Variants in GOT1 observed in about 807,000 individuals in gnomAD.
GOT1 encodes glutamic-oxaloacetic transaminase 1.
GOT1 carries 25 observed loss-of-function variants against 48.2 expected under a neutral mutation model. The observed-to-expected ratio is 0.52, with a 90% confidence interval of 0.38 to 0.72. The LOEUF (loss-of-function observed/expected upper bound fraction) is 0.72. GOT1 is among the 30% of genes least tolerant of loss of function. The pLI, the probability that GOT1 is intolerant of heterozygous loss-of-function variation, is 0.00. For missense variants in GOT1, 380 were observed against 520.1 expected (o/e 0.73, Z 2.62); for synonymous variants, 188 against 193.8 (o/e 0.97, Z 0.25).
chr10:99,403,600 T>G lies in GOT1; in HGVS notation c.828A>C (p.Lys276Asn). 6.2e-7 allele frequency: 1 copy of G among 1,614,100 alleles called. No homozygotes were observed. Among genetic ancestry groups the G allele is most frequent in the South Asian group, 1.1e-5 (1 of 91,072 alleles). Residue 276 changes from lysine (K) to asparagine (N), a missense_variant, in exon 7 of 9, where the codon AAA (lysine) becomes AAC (asparagine). By Grantham distance (94) the Lys-to-Asn change is moderately conservative. Coordinates refer to ENST00000370508, the MANE Select transcript of GOT1 (RefSeq NM_002079.3). ...ERVGNLTVVGKEPESILQVLS... is the reference protein window; with the variant it reads ...ERVGNLTVVGNEPESILQVLS... The stretch of plus-strand genomic sequence containing the variant: ...GGACTTGCAGGATGCTCTCAGGTTC[T>G]TTTCCAACCACAGTCAGATTCCCGA...
rs759469504 is a variant in GOT1, at chr10:99,406,090, A to G, written c.537+47T>C. The G allele has an allele frequency of 6.2e-6, 8 of 1,294,398 alleles. No homozygotes were observed. In the African/African-American group the frequency reaches 8.7e-5, roughly 14 times the overall value. The allele number at this position is 1,294,398 out of a possible 1,614,324, so 80.2% of individuals were successfully genotyped here. A position where few individuals can be genotyped will look rare whatever the true frequency, so the allele number is the denominator to read the frequency against. Reference sequence around the variant, plus strand: ...AACTGGTCCAAAGACTTTGCCTGAGATTCCTGACACCATGCAATTCTCTAC... The same window carrying G: ...AACTGGTCCAAAGACTTTGCCTGAGGTTCCTGACACCATGCAATTCTCTAC... On this transcript the variant is annotated intron_variant, in intron 4 of 8. Transcript: ENST00000370508.
chr10:99,430,378 G>GTCTCCACGACCTGGGTTGGGTCC (rs1402518142), intron 1 of GOT1, 70 bp downstream of exon 1: 6 of 1,607,530 alleles, frequency 3.7e-6, no homozygotes, highest in Non-Finnish European at 5.1e-6. Flanking sequence ...TTCTCCCACA[G>GTCTCCACGACCTGGGTTGGGTCC]TCTCCACGAC....
At chr10:99,414,494 G>A (rs536003078) in intron 2 of GOT1, among the ~76,000 whole-genome samples, 6 of 152,058 alleles carry the variant, frequency 3.9e-5, no homozygotes, top group Non-Finnish European at 7.4e-5. Flanking sequence ...AATAATAGGA[G>A]ACTTTAACAC....
At chr10:99,413,920 T>A (rs1176104751) in intron 2 of GOT1, among the ~76,000 whole-genome samples, 5 of 152,146 alleles carry the variant, frequency 3.3e-5, no homozygotes, top group Admixed American at 3.3e-4. Flanking sequence ...AGGCCTGCCC[T>A]ACAAGAGCTC....
In GOT1 at chr10:99,406,181, C is replaced by T. The variant is rs1224836694; in HGVS notation, c.493G>A (p.Glu165Lys). Residue 165 changes from glutamate to lysine, a missense_variant, in exon 4 of 9, where the codon GAG becomes AAG. By Grantham distance (56) the Glu-to-Lys change is moderately conservative. Transcript: ENST00000370508. ...CCCTGGAGGTCCAATCCTCTCTTCT[C>T]TGCATCCCAGTAGCGATAGGACCGA... ...DIRSYRYWDAEKRGLDLQGFL... is the reference protein window; with the variant it reads ...DIRSYRYWDAKKRGLDLQGFL... The T allele has an allele frequency of 6.2e-7, 1 of 1,613,812 alleles. No homozygotes were observed. The highest frequency in any genetic ancestry group is 8.5e-7 in the Non-Finnish European group (1 of 1,179,762).
At chr10:99,411,000 A>G (rs577207212) in intron 2 of GOT1, among the ~76,000 whole-genome samples, 10 of 152,244 alleles carry the variant, frequency 6.6e-5, no homozygotes, top group Non-Finnish European at 1.3e-4. Flanking sequence ...TGACTTCACC[A>G]TGAGGAATAG....
At chr10:99,423,767 G>A (rs1383207763) in intron 1 of GOT1, among the ~76,000 whole-genome samples, 3 of 152,094 alleles carry the variant, frequency 2.0e-5, no homozygotes, top group African/African-American at 7.2e-5. Flanking sequence ...TCTTGCCTCA[G>A]CTTCCCATGT....
At chr10:99,399,667 G>T (rs1018998859) in intron 8 of GOT1, among the ~76,000 whole-genome samples, 1 of 152,146 alleles carries the variant, frequency 6.6e-6, no homozygotes, top group African/African-American at 2.4e-5. Context: ...CAGGTACTAC[G>T]AAGGCTGAGG....
chr10:99,403,237 T>C (rs1051189876), intron 7 of GOT1, among the ~76,000 whole-genome samples: 1 of 151,936 alleles, frequency 6.6e-6, no homozygotes, highest in Admixed American at 6.6e-5. Context: ...GGGGGGGAAA[T>C]TGGGGAAAAC....
At chr10:99,402,807 A>G (rs2032698962) in intron 7 of GOT1, 85 bp from the exon 8 acceptor site, 2 of 1,127,788 alleles carry the variant, frequency 1.8e-6, no homozygotes, top group Non-Finnish European at 2.6e-6. Flanking sequence ...CTCTAATTTA[A>G]ACGACAGCTG....
intron 1 of GOT1, among the ~76,000 whole-genome samples, chr10:99,428,074 G>T (rs2033063964): frequency 6.6e-6 from 1 of 152,158 alleles, no homozygotes; most frequent in East Asian, 1.9e-4. Context: ...TGCTGTCGGG[G>T]TGCTTTTTCT....
At chr10:99,423,859 T>A (rs2033003173) in intron 1 of GOT1, among the ~76,000 whole-genome samples, 1 of 151,968 alleles carries the variant, frequency 6.6e-6, no homozygotes, top group South Asian at 2.1e-4. Flanking sequence ...CCTCACTTTG[T>A]TGCCCAGGCT....
chr10:99,406,240 T>G lies in GOT1; in HGVS notation c.434A>C (p.Asn145Thr). Residue 145 changes from asparagine to threonine, a missense_variant, in exon 4 of 9, where the codon AAT becomes ACT. Transcript: ENST00000370508. The part of the protein sequence containing the change: ...YVSSPTWENH[N>T]AVFSAAGFKD... ...AAAACCAGCAGCGGAAAACACAGCATTGTGATTCTCTGCATGCAAAGAAGT... is the reference window on the plus strand; with the variant it reads ...AAAACCAGCAGCGGAAAACACAGCAGTGTGATTCTCTGCATGCAAAGAAGT... 2 of 1,610,354 alleles carry G rather than the reference T, an allele frequency of 1.2e-6. No homozygotes were observed. The highest frequency in any genetic ancestry group is 1.7e-6 in the Non-Finnish European group (2 of 1,176,570).
chr10:99,420,839 G>A, intron 1 of GOT1, 34 bp from the exon 2 acceptor site: 1 of 1,535,620 alleles, frequency 6.5e-7, no homozygotes, highest in Non-Finnish European at 8.9e-7. Flanking sequence ...CATAGTGGAG[G>A]CTCATGCTGT....
chr10:99,407,405 C>A (rs945604937), intron 2 of GOT1, among the ~76,000 whole-genome samples: 19 of 151,892 alleles, frequency 1.3e-4, no homozygotes. Context: ...TGCATGAGTA[C>A]TACTTTCTTC....
At chr10:99,407,593 C>T (rs951973354) in intron 2 of GOT1, among the ~76,000 whole-genome samples, 22 of 151,890 alleles carry the variant, frequency 1.4e-4, no homozygotes, top group East Asian at 5.9e-4. Flanking sequence ...CCACCATGCC[C>T]GGCTAATTTT....
At chr10:99,398,134 G>GC (rs2134093949) in intron 8 of GOT1, among the ~76,000 whole-genome samples, 1 of 152,296 alleles carries the variant, frequency 6.6e-6, no homozygotes, top group South Asian at 2.1e-4. Context: ...ATTGGGTAAG[G>GC]CCCCATGCAT....
intron 1 of GOT1, among the ~76,000 whole-genome samples, chr10:99,425,214 C>T (rs1300903666): frequency 6.6e-6 from 1 of 152,234 alleles, no homozygotes; most frequent in African/African-American, 2.4e-5. Context: ...AGAGGGCACA[C>T]CTGTGCAAGG....
intron 1 of GOT1, among the ~76,000 whole-genome samples, chr10:99,424,747 A>AT (rs1269467293): frequency 6.6e-6 from 1 of 152,114 alleles, no homozygotes; most frequent in Non-Finnish European, 1.5e-5. Flanking sequence ...CTAAAAAAAA[A>AT]CTGGCCAATT....
Sources: allele counts gnomAD v4.1 joint callset (sites outside exome capture counted in the v4.1 genomes callset), GRCh38; gene constraint gnomAD v4.1.1; transcripts MANE v1.5; gene names NCBI Gene and HGNC (gene_info 2026-07-23, HGNC 2026-07-21).